Variants in KCNH7 observed in about 807,000 individuals in gnomAD.
The protein encoded by KCNH7 is voltage-gated inwardly rectifying potassium channel KCNH7.
In KCNH7, 49 loss-of-function variants were observed where a neutral mutation model predicts 120.8. That is an observed-to-expected ratio of 0.41 (90% CI 0.32 to 0.51). KCNH7 has a LOEUF of 0.51. Ranked by LOEUF, KCNH7 falls within the 20% of genes least tolerant of loss-of-function variation. The pLI is 0.38. For missense variants in KCNH7, 1,097 were observed against 1,446.6 expected, an observed-to-expected ratio of 0.76 and a Z score of 3.92; for synonymous variants, 547 against 516.1, an observed-to-expected ratio of 1.06 and a Z score of -0.81.
At chr2:162,491,354 C>T (rs1690297865) in intron 6 of KCNH7, among the ~76,000 whole-genome samples, 1 of 152,132 alleles carries the variant, frequency 6.6e-6, no homozygotes. Context: ...CTTTTCTATG[C>T]AAGAGGTTTT....
chr2:162,681,080 G>A (rs1355189260), intron 2 of KCNH7, among the ~76,000 whole-genome samples: 1 of 151,694 alleles, frequency 6.6e-6, no homozygotes, highest in Non-Finnish European at 1.5e-5. Flanking sequence ...CTAGGATTAT[G>A]GGAAAGTTTA....
At chr2:162,762,801 A>T (rs1689012838) in intron 2 of KCNH7, among the ~76,000 whole-genome samples, 1 of 152,130 alleles carries the variant, frequency 6.6e-6, no homozygotes, top group East Asian at 1.9e-4. Context: ...AAGTTATATA[A>T]ATAATGTAAA....
chr2:162,511,259 ATTTG>A (rs1691063848), intron 5 of KCNH7, among the ~76,000 whole-genome samples: 1 of 151,708 alleles, frequency 6.6e-6, no homozygotes, highest in Non-Finnish European at 1.5e-5. Context: ...CCAATTTTCT[ATTTG>A]TTGAGAAAAA....
chr2:162,799,834 G>A (rs1046944374), intron 2 of KCNH7, among the ~76,000 whole-genome samples: 1 of 151,726 alleles, frequency 6.6e-6, no homozygotes, highest in African/African-American at 2.4e-5. Context: ...AGAAAGTCCA[G>A]GGCATCATGA....
At chr2:162,801,357 G>A (rs955978136) in intron 2 of KCNH7, among the ~76,000 whole-genome samples, 1 of 151,470 alleles carries the variant, frequency 6.6e-6, no homozygotes, top group African/African-American at 2.4e-5. Context: ...CTCAACAATT[G>A]TCTATTTTTA....
intron 2 of KCNH7, among the ~76,000 whole-genome samples, chr2:162,767,442 G>C (rs367761223): frequency 1.3e-5 from 2 of 152,012 alleles, no homozygotes; most frequent in Non-Finnish European, 2.9e-5. Flanking sequence ...TCCTGAACTT[G>C]AGAGGTGGAA....
intron 2 of KCNH7, among the ~76,000 whole-genome samples, chr2:162,818,602 G>T (rs1448348493): frequency 6.6e-6 from 1 of 151,982 alleles, no homozygotes; most frequent in African/African-American, 2.4e-5. Flanking sequence ...ATGACTTTTA[G>T]TCTGCTATAA....
At chr2:162,613,953 GTTT>G (rs201679969) in intron 2 of KCNH7, among the ~76,000 whole-genome samples, 2 of 143,184 alleles carry the variant, frequency 1.4e-5, no homozygotes, top group African/African-American at 2.7e-5. Context: ...CAAAGAGAAA[GTTT>G]TTTTTTTTTT....
chr2:162,469,379 ACT>A (rs1194483080), intron 6 of KCNH7, among the ~76,000 whole-genome samples: 1 of 152,120 alleles, frequency 6.6e-6, no homozygotes, highest in Non-Finnish European at 1.5e-5. Flanking sequence ...AACTCAAGAT[ACT>A]CTTGGGCTGA....
At chr2:162,688,658 G>C (rs74819857) in intron 2 of KCNH7, among the ~76,000 whole-genome samples, 1,628 of 151,890 alleles carry the variant, frequency 0.011, 24 homozygotes, top group African/African-American at 0.037. Flanking sequence ...AAAAATCACT[G>C]TGGTATAGGT....
chr2:162,447,977 C>G (rs77039281), intron 6 of KCNH7, among the ~76,000 whole-genome samples: 1 of 152,050 alleles, frequency 6.6e-6, no homozygotes, highest in Non-Finnish European at 1.5e-5. Context: ...TCTGACCTGA[C>G]CACTTAATCA....
At chr2:162,533,912 A>C (rs1352527321) in intron 3 of KCNH7, among the ~76,000 whole-genome samples, 1 of 151,562 alleles carries the variant, frequency 6.6e-6, no homozygotes, top group Non-Finnish European at 1.5e-5. Flanking sequence ...AAAATTGATC[A>C]AATAATAAAC....
At chr2:162,752,948 GAAAAGA>G (rs1559116299) in intron 2 of KCNH7, among the ~76,000 whole-genome samples, 6 of 103,254 alleles carry the variant, frequency 5.8e-5, no homozygotes, top group Admixed American at 9.4e-5. Flanking sequence ...GAAAAGAAAA[GAAAAGA>G]AAAGAAAAGA....
At chr2:162,780,659 G>A (rs1049455847) in intron 2 of KCNH7, among the ~76,000 whole-genome samples, 3 of 152,076 alleles carry the variant, frequency 2.0e-5, no homozygotes, top group African/African-American at 7.2e-5. Context: ...TCTCAAGCAT[G>A]GAGACACACA....
intron 2 of KCNH7, among the ~76,000 whole-genome samples, chr2:162,828,762 G>A (rs1406231691): frequency 6.6e-6 from 1 of 152,078 alleles, no homozygotes; most frequent in Non-Finnish European, 1.5e-5. Flanking sequence ...TCTAGTTTGA[G>A]ATCATTTTAC....
intron 13 of KCNH7, among the ~76,000 whole-genome samples, chr2:162,381,444 T>C (rs1245912425): frequency 1.3e-5 from 2 of 152,118 alleles, no homozygotes; most frequent in African/African-American, 2.4e-5. Flanking sequence ...TTTCTCCAAG[T>C]AGAAGACAGA....
At chr2:162,808,818 C>T (rs1437452356) in intron 2 of KCNH7, among the ~76,000 whole-genome samples, 1 of 151,988 alleles carries the variant, frequency 6.6e-6, no homozygotes, top group Non-Finnish European at 1.5e-5. Flanking sequence ...TCTCTAAATA[C>T]AAGAAGCTAC....
chr2:162,504,374 A>G, intron 6 of KCNH7, 69 bp downstream of exon 6: 1 of 1,167,528 alleles, frequency 8.6e-7, no homozygotes, highest in Non-Finnish European at 1.3e-6. Context: ...TATAAGAAAA[A>G]GAATATGTTT....
At chr2:162,422,555 CTT>C (rs1351997144) in intron 9 of KCNH7, among the ~76,000 whole-genome samples, 2 of 152,004 alleles carry the variant, frequency 1.3e-5, no homozygotes, top group East Asian at 3.9e-4. Context: ...AGCAATCAGC[CTT>C]TAGAGCCAAA....
Sources: allele counts gnomAD v4.1 joint callset (sites outside exome capture counted in the v4.1 genomes callset), GRCh38; gene constraint gnomAD v4.1.1; transcripts MANE v1.5; gene names NCBI Gene and HGNC (gene_info 2026-07-23, HGNC 2026-07-21).